LAMB1: variants seen among roughly 807,000 people sequenced by gnomAD.
LAMB1 encodes the protein laminin subunit beta-1.
LAMB1 carries 121 observed loss-of-function variants against 222.3 expected under a neutral mutation model. That is an observed-to-expected ratio of 0.54 (90% CI 0.47 to 0.63). The LOEUF (loss-of-function observed/expected upper bound fraction) is 0.63. Ranked by LOEUF, LAMB1 falls within the 30% of genes least tolerant of loss-of-function variation. LAMB1 has a pLI of 0.00. For synonymous variants in LAMB1, 794 were observed against 807.2 expected (o/e 0.98, Z 0.28); for missense variants, 2,172 against 2,240.8 (o/e 0.97, Z 0.62).
rs755484957 is a variant in LAMB1, at chr7:107,953,703, A to C, written c.2906T>G (p.Val969Gly). ...CTGGCAAGGCTGACACGACCCCCCAACTTCTGATGGATTGCCAAAGTATCC... is the reference window on the plus strand; with the variant it reads ...CTGGCAAGGCTGACACGACCCCCCACCTTCTGATGGATTGCCAAAGTATCC... Reference protein sequence around the residue: ...ASGYFGNPSEVGGSCQPCQCH... With the variant: ...ASGYFGNPSEGGGSCQPCQCH... Residue 969 changes from valine to glycine, a missense_variant, in exon 22 of 34, where the codon GTT becomes GGT. Val to Gly is a moderately radical substitution (Grantham distance 109). Transcript: ENST00000222399. The C allele has an allele frequency of 1.2e-6, 2 of 1,614,140 alleles. No homozygotes were observed. Among genetic ancestry groups the C allele is most frequent in the Non-Finnish European group, 1.7e-6 (2 of 1,180,026 alleles).
intron 7 of LAMB1, among the ~76,000 whole-genome samples, chr7:107,983,159 C>G (rs554608596): frequency 7.9e-5 from 12 of 152,304 alleles, no homozygotes; most frequent in African/African-American, 2.6e-4. Context: ...AAATTACAGA[C>G]CAGAGACAGG....
At chr7:107,989,682 G>A (rs1375419021) in intron 5 of LAMB1, among the ~76,000 whole-genome samples, 1 of 152,166 alleles carries the variant, frequency 6.6e-6, no homozygotes, top group Non-Finnish European at 1.5e-5. Flanking sequence ...TGTGTGCCAC[G>A]TACCATGGCA....
At chr7:107,954,570 C>G (rs576773296) in intron 21 of LAMB1, among the ~76,000 whole-genome samples, 40 of 152,146 alleles carry the variant, frequency 2.6e-4, no homozygotes, top group Non-Finnish European at 4.1e-4. Flanking sequence ...GTCAGGAGAT[C>G]GAGACCATCC....
chr7:107,993,915 G>A (rs1351140305), intron 5 of LAMB1, among the ~76,000 whole-genome samples: 1 of 152,178 alleles, frequency 6.6e-6, no homozygotes, highest in Admixed American at 6.5e-5. Flanking sequence ...AAGGCTCAGA[G>A]GCACAGCCCA....
At position 107,929,127 on chromosome 7, in the gene LAMB1, T is replaced by A; in HGVS notation, c.4824A>T (p.Ala1608=). The A allele has an allele frequency of 6.2e-7, 1 of 1,614,138 alleles. No homozygotes were observed. The highest frequency in any genetic ancestry group is 1.1e-5 in the South Asian group (1 of 91,084). ...CTGCTTGTTTAATTGCCTTCTCTGC[T>A]GCGACCTGGGCCTTTTCTGCTTCTT... ...ALEEAEKAQV[A]AEKAIKQADE... Residue 1608 remains alanine, a synonymous_variant, in exon 31 of 34, where the codon GCA becomes GCT. Coordinates refer to ENST00000222399, the MANE Select transcript of LAMB1 (RefSeq NM_002291.3).
chr7:107,957,233 T>C (rs564424607), intron 20 of LAMB1, among the ~76,000 whole-genome samples: 1 of 152,098 alleles, frequency 6.6e-6, no homozygotes, highest in East Asian at 1.9e-4. Context: ...CCCTTAAAAA[T>C]ACAAAAGATT....
rs143816350 is a variant in LAMB1 at position 107,932,249 on chromosome 7, G to A, written c.4317C>T (p.Asn1439=). ...CCAAGTCCATGGCTTTCTGCCAGGC[G>A]TTGTGTGCAACAGTAACCAGACCAC... ...GCGGLVTVAH[N]AWQKAMDLDQ... is the part of the protein sequence containing the mutation. The change falls in exon 28 of 34, where the codon AAC becomes AAT. Residue 1439 remains asparagine, a synonymous_variant. Transcript: ENST00000222399. 2.9e-5 allele frequency: 47 copies of A among 1,614,194 alleles called. No homozygotes were observed. Among genetic ancestry groups the A allele is most frequent in the Admixed American group, 1.3e-4 (8 of 60,024 alleles).
chr7:107,934,695 A>G (rs2116334918), intron 27 of LAMB1, among the ~76,000 whole-genome samples: 1 of 152,264 alleles, frequency 6.6e-6, no homozygotes, highest in Middle Eastern at 3.4e-3. Flanking sequence ...TTAATTTTTA[A>G]TGGAAGCCCC....
intron 12 of LAMB1, 41 bp downstream of exon 12, chr7:107,974,944 TC>T: frequency 8.8e-7 from 1 of 1,138,174 alleles, no homozygotes; most frequent in Non-Finnish European, 1.3e-6. Flanking sequence ...AAACATGTCA[TC>T]CTCACCAACC....
Position 107,932,277 on chromosome 7 carries a change from C to T in LAMB1, c.4289G>A (p.Cys1430Tyr). 16 of 1,614,222 alleles carry T rather than the reference C, an allele frequency of 9.9e-6. No homozygotes were observed. Among genetic ancestry groups the T allele is most frequent in the African/African-American group, 1.3e-5 (1 of 75,054 alleles). Residue 1430 changes from cysteine (C) to tyrosine (Y), a missense_variant, in exon 28 of 34, where the codon TGT becomes TAT. Transcript: ENST00000222399. ...GTGTGCAACAGTAACCAGACCACCA[C>T]AGCCAGGCCCCCCACACTTCCTCTC... is the stretch of plus-strand genomic sequence containing the variant. ...EGERKCGGPG[C>Y]GGLVTVAHNA...
chr7:107,951,650 G>A (rs745696040), intron 23 of LAMB1, among the ~76,000 whole-genome samples: 55 of 142,794 alleles, frequency 3.9e-4, no homozygotes, highest in Non-Finnish European at 7.4e-4. Context: ...CTTAGCATGT[G>A]TCAGGAAACA....
In LAMB1 at chr7:107,964,745, A is replaced by T. The variant is rs2033593191; in HGVS notation, c.1563-58T>A. On this transcript the variant is annotated intron_variant, in intron 13 of 33. Transcript: ENST00000222399. Reference sequence around the variant, plus strand: ...TCATGGTCACGCGAGTCAACCCGCCAGAAGCAGCTCTACAGCTGCCATTAC... The same window carrying T: ...TCATGGTCACGCGAGTCAACCCGCCTGAAGCAGCTCTACAGCTGCCATTAC... 1.9e-6 allele frequency: 3 copies of T among 1,598,620 alleles called. No homozygotes were observed. The Admixed American group carries it at 5.1e-5, about 27-fold the overall frequency.
rs530179723 is a variant in LAMB1, at chr7:107,939,285, A to G, written c.3761+704T>C. ...AAGGGTAGATAAATGATCCTTGAGA[A>G]GGTCAATTCTCTAGGCTTCCACTAA... On this transcript the variant is annotated intron_variant, in intron 25 of 33. Coordinates refer to ENST00000222399, the MANE Select transcript of LAMB1 (RefSeq NM_002291.3). Among the ~76,000 whole-genome samples the G allele has an allele frequency of 2.6e-5, 4 of 152,102 alleles. No individual in the cohort carries two copies. The East Asian group carries it at 7.9e-4, about 30-fold the overall frequency.
At chr7:108,003,034 A>G (rs2034421670) in intron 1 of LAMB1, 63 bp from the exon 2 acceptor site, 2 of 1,440,370 alleles carry the variant, frequency 1.4e-6, no homozygotes, top group East Asian at 2.6e-5. Context: ...GCGCCCTTCC[A>G]TTTCCTGTCG....
chr7:107,930,843 A>C (rs1333898346), intron 29 of LAMB1, among the ~76,000 whole-genome samples: 1 of 152,206 alleles, frequency 6.6e-6, no homozygotes, highest in South Asian at 2.1e-4. Context: ...CTGCTACTGG[A>C]TATCTTATTA....
At chr7:108,000,198 C>CAA (rs397938936) in intron 3 of LAMB1, among the ~76,000 whole-genome samples, 3,707 of 146,708 alleles carry the variant, frequency 0.025, 174 homozygotes, top group African/African-American at 0.086. Flanking sequence ...CACCAGAACT[C>CAA]AAAAAAAAAA....
At chr7:107,961,738 C>G (rs1447208759) in intron 15 of LAMB1, 62 bp from the exon 16 acceptor site, 3 of 1,551,754 alleles carry the variant, frequency 1.9e-6, no homozygotes, top group African/African-American at 1.4e-5. Context: ...TATAAAAAGA[C>G]CTCTCTGAAT....
At chr7:107,983,760 C>T (rs1231916678) in intron 7 of LAMB1, among the ~76,000 whole-genome samples, 1 of 152,010 alleles carries the variant, frequency 6.6e-6, no homozygotes, top group Non-Finnish European at 1.5e-5. Flanking sequence ...TCGTGATCCA[C>T]CCGCCTAGGC....
At chr7:107,945,088 T>C (rs1188637026) in intron 24 of LAMB1, among the ~76,000 whole-genome samples, 1 of 152,250 alleles carries the variant, frequency 6.6e-6, no homozygotes, top group Non-Finnish European at 1.5e-5. Flanking sequence ...AAGAATAGTA[T>C]TTTTTAAATG....
Sources: gnomAD v4.1 joint callset for allele counts (sites outside exome capture counted in the v4.1 genomes callset) on GRCh38, gnomAD v4.1.1 for gene constraint, MANE v1.5 for transcripts, NCBI Gene and HGNC (gene_info 2026-07-23, HGNC 2026-07-21) for gene names.